Variants in RTRAF observed in about 807,000 individuals in gnomAD.
RTRAF encodes the protein tRNA-splicing ligase complex subunit RTRAF.
A neutral mutation model predicts 34.4 loss-of-function variants in RTRAF; 14 were observed. That is an observed-to-expected ratio of 0.41 (90% confidence interval 0.27 to 0.64). The LOEUF is 0.64. Among genes scored for constraint, RTRAF ranks in the 30% least tolerant of loss-of-function variants. The pLI is 0.34. For synonymous variants in RTRAF, 96 were observed against 95.3 expected (o/e 1.01, Z -0.04); for missense variants, 291 against 288.4 (o/e 1.01, Z -0.06).
At position 52,009,643 on chromosome 14, in the gene RTRAF, G is replaced by C. The variant is rs1890930311; in HGVS notation, c.*5127G>C. 6.6e-6 allele frequency: 1 copy of C among 152,148 alleles called. No individual in the cohort carries two copies. Among genetic ancestry groups the C allele is most frequent in the Non-Finnish European group, 1.5e-5 (1 of 68,062 alleles). The allele number at this position is 152,148 out of a possible 1,614,324, so 9.4% of individuals were successfully genotyped here. ...TTTTTCCCCAGACTCCAGAGACATG[G>C]CCAAAGTTTCATTGCCTACAAGATG... On this transcript the variant is annotated 3_prime_UTR_variant, in exon 8 of 8. Coordinates refer to ENST00000261700, the MANE Select transcript of RTRAF (RefSeq NM_016039.3).
intron 5 of RTRAF, 75 bp downstream of exon 5, chr14:51,999,871 A>AG: frequency 2.0e-6 from 2 of 1,003,402 alleles, no homozygotes; most frequent in Non-Finnish European, 3.0e-6. Context: ...AATATTAACT[A>AG]TTGATATTAA....
In RTRAF at chr14:52,007,871, A is replaced by G; in HGVS notation, c.*3355A>G. The G allele has an allele frequency of 1.2e-6, 2 of 1,613,972 alleles. No individual in the cohort carries two copies. The highest frequency in any genetic ancestry group is 1.7e-6 in the Non-Finnish European group (2 of 1,179,902). ...CAAAGGTTAAGCCATTGGGCAATCCAATGTCTGTATTGATCAGAATTCTTC... is the reference window on the plus strand; with the variant it reads ...CAAAGGTTAAGCCATTGGGCAATCCGATGTCTGTATTGATCAGAATTCTTC... On this transcript the variant is annotated 3_prime_UTR_variant, in exon 8 of 8. Transcript: ENST00000261700.
chr14:51,989,816 G>T (rs1008837136), intron 1 of RTRAF, 116 bp downstream of exon 1: 6 of 1,055,430 alleles, frequency 5.7e-6, no homozygotes, highest in Non-Finnish European at 8.2e-6. Context: ...TCCGCCGGCA[G>T]CCTCCGGGCC....
chr14:52,007,665 G>T lies in RTRAF; in HGVS notation c.*3149G>T. On this transcript the variant is annotated 3_prime_UTR_variant, in exon 8 of 8. Coordinates refer to ENST00000261700, the MANE Select transcript of RTRAF (RefSeq NM_016039.3). ...AGTTCATTTTAAGACTCATTTACTA[G>T]TACTTAAATTTACTAGTACTTAAAA... The T allele has an allele frequency of 1.3e-6, 1 of 748,582 alleles. No homozygotes were observed. The highest frequency in any genetic ancestry group is 2.2e-6 in the Non-Finnish European group (1 of 444,800). 46.4% of individuals were successfully genotyped at this position (748,582 alleles called of 1,614,324 possible). A position where few individuals can be genotyped will look rare whatever the true frequency, so the allele number is the denominator to read the frequency against.
rs1397042930 is a variant in RTRAF, at chr14:52,004,582, T to G, written c.*66T>G. 2 of 1,447,070 alleles carry G rather than the reference T, an allele frequency of 1.4e-6. No homozygotes were observed. The highest frequency in any genetic ancestry group is 2.9e-5 in the African/African-American group (2 of 69,056). 89.6% of individuals were successfully genotyped at this position (1,447,070 alleles called of 1,614,324 possible). On this transcript the variant is annotated 3_prime_UTR_variant, in exon 8 of 8. Coordinates refer to ENST00000261700, the MANE Select transcript of RTRAF (RefSeq NM_016039.3). Reference sequence around the variant, plus strand: ...GGGAACCATACACTTCTGGCATGTTTGGAAATCAAAATGTCACATTCTCGG... The same window carrying G: ...GGGAACCATACACTTCTGGCATGTTGGGAAATCAAAATGTCACATTCTCGG...
chr14:52,004,671 C>CTTTAATAAAGTTTAGGAAAGTAGA lies in RTRAF; in HGVS notation c.*156_*179dup. 1.6e-6 allele frequency: 1 copy of CTTTAATAAAGTTTAGGAAAGTAGA among 642,430 alleles called. No homozygotes were observed. The highest frequency in any genetic ancestry group is 2.9e-5 in the East Asian group (1 of 34,122). The allele number at this position is 642,430 out of a possible 1,614,324, so 39.8% of individuals were successfully genotyped here. ...TACCACCATTGCTTATTGCTTTTTT[C>CTTTAATAAAGTTTAGGAAAGTAGA]TTTAATAAAGTTTAGGAAAGTAGAA... On this transcript the variant is annotated 3_prime_UTR_variant, in exon 8 of 8. Transcript: ENST00000261700.
In RTRAF at chr14:52,005,404, A is replaced by G. The variant is rs1890728377; in HGVS notation, c.*888A>G. On this transcript the variant is annotated 3_prime_UTR_variant, in exon 8 of 8. Transcript: ENST00000261700. ...ACGTCTAATGGCCAATTCCTTTTTT[A>G]CTTTCTTTGCCTTTGCAGTCACTGT... is the stretch of plus-strand genomic sequence containing the variant. 1 of 1,358,184 alleles carries G rather than the reference A, an allele frequency of 7.4e-7. No individual in the cohort carries two copies. The allele number at this position is 1,358,184 out of a possible 1,614,324, so 84.1% of individuals were successfully genotyped here.
At position 52,005,195 on chromosome 14, in the gene RTRAF, T is replaced by TTTTAAATATTAATGATAAATGTTTA; in HGVS notation, c.*680_*704dup. ...AATTCTTAGTTGAATGAATTTGATC[T>TTTTAAATATTAATGATAAATGTTTA]TTTAAATATTAATGATAAATGTTTA... On this transcript the variant is annotated 3_prime_UTR_variant, in exon 8 of 8. Coordinates refer to ENST00000261700, the MANE Select transcript of RTRAF (RefSeq NM_016039.3). The TTTTAAATATTAATGATAAATGTTTA allele has an allele frequency of 1.0e-5, 3 of 290,464 alleles. No homozygotes were observed. The highest frequency in any genetic ancestry group is 1.9e-5 in the Non-Finnish European group (3 of 157,554). 18.0% of individuals were successfully genotyped at this position (290,464 alleles called of 1,614,324 possible). A position where few individuals can be genotyped will look rare whatever the true frequency, so the allele number is the denominator to read the frequency against.
At chr14:51,993,925 T>G (rs1021545129) in intron 3 of RTRAF, 103 bp downstream of exon 3, 1 of 620,642 alleles carries the variant, frequency 1.6e-6, no homozygotes, top group Non-Finnish European at 2.7e-6. Context: ...AGTACTATTT[T>G]ACCTTTGGTT....
At chr14:52,002,017 A>G in intron 6 of RTRAF, 151 bp downstream of exon 6, 1 of 668,356 alleles carries the variant, frequency 1.5e-6, no homozygotes, top group Admixed American at 3.4e-5. Context: ...TCCTAAAGCA[A>G]ATTGAATGTA....
At chr14:51,994,253 C>T (rs1410731885) in intron 3 of RTRAF, among the ~76,000 whole-genome samples, 2 of 152,174 alleles carry the variant, frequency 1.3e-5, no homozygotes, top group Admixed American at 6.5e-5. Context: ...ACAGATACTT[C>T]TATGGTTGGA....
In RTRAF at chr14:52,006,175, G is replaced by A. The variant is rs1251413116; in HGVS notation, c.*1659G>A. 2.5e-6 allele frequency: 1 copy of A among 402,568 alleles called. No individual in the cohort carries two copies. Among genetic ancestry groups the A allele is most frequent in the Admixed American group, 3.7e-5 (1 of 27,070 alleles). The allele number at this position is 402,568 out of a possible 1,614,324, so 24.9% of individuals were successfully genotyped here. A position where few individuals can be genotyped will look rare whatever the true frequency, so the allele number is the denominator to read the frequency against. On this transcript the variant is annotated 3_prime_UTR_variant, in exon 8 of 8. Transcript: ENST00000261700. ...CGGTCCCTCAGACAATATGTCCACA[G>A]TGTCAAAAGCCAACTTAAGCCCTGT...
chr14:52,005,428 G>C lies in RTRAF; in HGVS notation c.*912G>C, dbSNP rs1890729658. 4 of 1,496,070 alleles carry C rather than the reference G, an allele frequency of 2.7e-6. No homozygotes were observed. In the South Asian group the frequency reaches 4.3e-5, roughly 16 times the overall value. The allele number at this position is 1,496,070 out of a possible 1,614,324, so 92.7% of individuals were successfully genotyped here. On this transcript the variant is annotated 3_prime_UTR_variant, in exon 8 of 8. Coordinates refer to ENST00000261700, the MANE Select transcript of RTRAF (RefSeq NM_016039.3). ...TACTTTCTTTGCCTTTGCAGTCACTGTTCTTTAGGGTCCAGGTTCTGATTG... is the reference window on the plus strand; with the variant it reads ...TACTTTCTTTGCCTTTGCAGTCACTCTTCTTTAGGGTCCAGGTTCTGATTG...
At chr14:51,997,404 T>A (rs1194002306) in intron 3 of RTRAF, among the ~76,000 whole-genome samples, 1 of 151,970 alleles carries the variant, frequency 6.6e-6, no homozygotes, top group Non-Finnish European at 1.5e-5. Flanking sequence ...TTCAATGGAT[T>A]ATAATCCTTT....
Position 52,005,440 on chromosome 14 carries a change from C to A in RTRAF, c.*924C>A, listed in dbSNP as rs769793267. The A allele has an allele frequency of 1.9e-6, 3 of 1,544,856 alleles. No homozygotes were observed. The highest frequency in any genetic ancestry group is 1.7e-6 in the Non-Finnish European group (2 of 1,148,858). On this transcript the variant is annotated 3_prime_UTR_variant, in exon 8 of 8. Coordinates refer to ENST00000261700, the MANE Select transcript of RTRAF (RefSeq NM_016039.3). ...CTTTGCAGTCACTGTTCTTTAGGGT[C>A]CAGGTTCTGATTGTAAACTCCAAGT...
chr14:52,004,078 C>G, intron 6 of RTRAF, 116 bp from the exon 7 acceptor site: 1 of 853,340 alleles, frequency 1.2e-6, no homozygotes, highest in Non-Finnish European at 1.9e-6. Flanking sequence ...GTTCCCTTGC[C>G]CATGCAGCTA....
In RTRAF at chr14:51,991,397, T is replaced by A. The variant is rs1230221074; in HGVS notation, c.142T>A (p.Leu48Ile). 1.9e-6 allele frequency: 3 copies of A among 1,613,500 alleles called. No homozygotes were observed. The highest frequency in any genetic ancestry group is 2.5e-6 in the Non-Finnish European group (3 of 1,179,674). The change falls in exon 2 of 8, where the codon TTA becomes ATA. Residue 48 changes from leucine (L) to isoleucine (I), a missense_variant. Leu to Ile is a conservative substitution (Grantham distance 5). Transcript: ENST00000261700. ...CTACAAGATTGAAGACAGAGGGAAT[T>A]TAAGAAACATCCACAGCAGCGACTG... ...RHYKIEDRGNLRNIHSSDWPK... is the reference protein window; with the variant it reads ...RHYKIEDRGNIRNIHSSDWPK...
chr14:51,989,618 A>T lies in RTRAF; in HGVS notation c.-22A>T. On this transcript the variant is annotated 5_prime_UTR_variant, in exon 1 of 8. Coordinates refer to ENST00000261700, the MANE Select transcript of RTRAF (RefSeq NM_016039.3). ...TTCTCTCCCGGCCGAGGCCCGGGGG[A>T]CCAGAGCGAGAAGCGGGGACCATGT... 6.3e-7 allele frequency: 1 copy of T among 1,593,812 alleles called. No homozygotes were observed. The highest frequency in any genetic ancestry group is 8.5e-7 in the Non-Finnish European group (1 of 1,170,796).
At position 52,006,593 on chromosome 14, in the gene RTRAF, C is replaced by T. The variant is rs1379014416; in HGVS notation, c.*2077C>T. On this transcript the variant is annotated 3_prime_UTR_variant, in exon 8 of 8. Transcript: ENST00000261700. Reference sequence around the variant, plus strand: ...CATAGCTTACGATGCTGAAGGGGTACTTGAGGTTGTTTTGAATGACACGCC... The same window carrying T: ...CATAGCTTACGATGCTGAAGGGGTATTTGAGGTTGTTTTGAATGACACGCC... 1 of 1,613,878 alleles carries T rather than the reference C, an allele frequency of 6.2e-7. No homozygotes were observed. The highest frequency in any genetic ancestry group is 1.7e-5 in the Admixed American group (1 of 60,014).
Sources: gnomAD v4.1 joint callset for allele counts (sites outside exome capture counted in the v4.1 genomes callset) on GRCh38, gnomAD v4.1.1 for gene constraint, MANE v1.5 for transcripts, NCBI Gene and HGNC (gene_info 2026-07-23, HGNC 2026-07-21) for gene names.